Variants in ZNF438 observed in about 807,000 individuals in gnomAD.
ZNF438 encodes the protein zinc finger protein 438.
ZNF438 carries 25 observed loss-of-function variants against 38.0 expected under a neutral mutation model. The observed-to-expected ratio is 0.66, with a 90% CI of 0.48 to 0.92. The LOEUF is 0.92. ZNF438 is among the 40% of genes least tolerant of loss of function. ZNF438 has a pLI of 0.00. For missense variants in ZNF438, 1,007 were observed against 999.6 expected, an observed-to-expected ratio of 1.01 and a Z score of -0.10; for synonymous variants, 372 against 364.1, an observed-to-expected ratio of 1.02 and a Z score of -0.25.
intron 1 of ZNF438, among the ~76,000 whole-genome samples, chr10:30,975,806 A>G (rs561426417): frequency 3.3e-5 from 5 of 152,170 alleles, no homozygotes; most frequent in Non-Finnish European, 7.4e-5. Context: ...AAATACTTGA[A>G]AAAGTAGAAA....
intron 3 of ZNF438, among the ~76,000 whole-genome samples, chr10:30,896,483 G>T (rs1040298561): frequency 5.9e-5 from 9 of 151,976 alleles, no homozygotes; most frequent in African/African-American, 2.2e-4. Context: ...TAAAAAGAAA[G>T]GAAATTCTGA....
chr10:30,950,575 G>A lies in ZNF438; in HGVS notation c.-191-8924C>T, dbSNP rs1027518861. Among the ~76,000 whole-genome samples, 133 of 151,020 alleles carry A rather than the reference G, an allele frequency of 8.8e-4. 1 individual carries two copies. Among genetic ancestry groups the A allele is most frequent in the Non-Finnish European group, 1.5e-3 (101 of 67,754 alleles). ...AAATGATAAAGGGGATATCACCACC[G>A]ATCCCACAGAAATACAAACTACCAT... On this transcript the variant is annotated intron_variant, in intron 1 of 5. Transcript: ENST00000413025.
At chr10:30,844,862 G>A in exon 6 of ZNF438, 2 of 1,416,284 alleles carry the variant, frequency 1.4e-6, no homozygotes, top group Non-Finnish European at 1.9e-6. Flanking sequence ...CACCAATCCT[G>A]TTGTTTGATC....
chr10:30,903,216 C>T (rs1032962898), intron 3 of ZNF438, among the ~76,000 whole-genome samples: 20 of 152,196 alleles, frequency 1.3e-4, no homozygotes, highest in African/African-American at 4.6e-4. Context: ...GAGCCGGCTC[C>T]GGACTCAGCC....
chr10:30,892,981 G>A (rs537313262), intron 3 of ZNF438, among the ~76,000 whole-genome samples: 22 of 152,314 alleles, frequency 1.4e-4, no homozygotes, highest in African/African-American at 5.1e-4. Context: ...TACATACAGT[G>A]TGCACCCTTG....
chr10:31,024,859 C>G (rs1402843714), intron 1 of ZNF438, among the ~76,000 whole-genome samples: 1 of 152,078 alleles, frequency 6.6e-6, no homozygotes, highest in African/African-American at 2.4e-5. Context: ...GCTAATTTAA[C>G]ATATACAACA....
intron 1 of ZNF438, among the ~76,000 whole-genome samples, chr10:30,945,800 CATT>C (rs1387209225): frequency 9.1e-6 from 1 of 109,644 alleles, no homozygotes; most frequent in East Asian, 2.3e-4. Context: ...TCCAGTCTAT[CATT>C]GTTGGACATT....
chr10:30,859,705 G>A (rs942103137), intron 4 of ZNF438, among the ~76,000 whole-genome samples: 10 of 152,144 alleles, frequency 6.6e-5, no homozygotes, highest in Admixed American at 5.9e-4. Flanking sequence ...CCATGATGGT[G>A]CAAGTAGTTC....
chr10:30,862,250 G>A (rs760695330), intron 4 of ZNF438, among the ~76,000 whole-genome samples: 1 of 152,238 alleles, frequency 6.6e-6, no homozygotes, highest in East Asian at 1.9e-4. Context: ...GCACAGATAT[G>A]GCATGGCAAG....
At chr10:31,031,546 T>C (rs2057294563) in intron 1 of ZNF438, among the ~76,000 whole-genome samples, 1 of 152,210 alleles carries the variant, frequency 6.6e-6, no homozygotes, top group Non-Finnish European at 1.5e-5. Context: ...ACTCTCCATT[T>C]GGACTTTCCG....
Position 30,960,622 on chromosome 10 carries a change from T to C in ZNF438, c.-191-18971A>G, listed in dbSNP as rs114815024. Among the ~76,000 whole-genome samples, 639 of 147,012 alleles carry C rather than the reference T, an allele frequency of 4.3e-3. 27 individuals are homozygous for C. The highest frequency in any genetic ancestry group is 0.014 in the African/African-American group (595 of 41,208). On this transcript the variant is annotated intron_variant, in intron 1 of 5. Transcript: ENST00000413025. ...AATTCCTCTCCATTGATTTATATGC[T>C]TATCCTATGCCACGGCCACGTTGTC...
At chr10:30,849,274 A>G in exon 5 of ZNF438, 1 of 1,613,958 alleles carries the variant, frequency 6.2e-7, no homozygotes, top group Non-Finnish European at 8.5e-7. Context: ...TTGCTGCTCC[A>G]CTGTTCAGTT....
chr10:31,001,955 G>A (rs1589674180), intron 1 of ZNF438, among the ~76,000 whole-genome samples: 1 of 152,326 alleles, frequency 6.6e-6, no homozygotes, highest in East Asian at 1.9e-4. Flanking sequence ...GGCTGAGTAA[G>A]AAGGGATGCC....
intron 1 of ZNF438, among the ~76,000 whole-genome samples, chr10:30,949,017 T>A (rs1156788796): frequency 6.6e-6 from 1 of 152,024 alleles, no homozygotes; most frequent in Non-Finnish European, 1.5e-5. Context: ...CGGGTTACCC[T>A]CAAAGGGAAG....
chr10:30,924,152 A>G (rs2044637780), intron 2 of ZNF438, among the ~76,000 whole-genome samples: 1 of 152,220 alleles, frequency 6.6e-6, no homozygotes, highest in African/African-American at 2.4e-5. Flanking sequence ...CAAGGTTAAC[A>G]TGACCAGTAA....
At chr10:30,867,284 T>C (rs1220870085) in intron 4 of ZNF438, among the ~76,000 whole-genome samples, 1 of 151,954 alleles carries the variant, frequency 6.6e-6, no homozygotes, top group Non-Finnish European at 1.5e-5. Flanking sequence ...TTTAAAGATA[T>C]TTGCAGAAAA....
intron 4 of ZNF438, among the ~76,000 whole-genome samples, chr10:30,855,806 G>A (rs149162806): frequency 2.0e-5 from 3 of 152,286 alleles, no homozygotes; most frequent in East Asian, 3.9e-4. Context: ...AAAATGAGAA[G>A]ATACACACAC....
intron 2 of ZNF438, among the ~76,000 whole-genome samples, chr10:30,915,464 T>C (rs954038442): frequency 6.6e-6 from 1 of 152,082 alleles, no homozygotes; most frequent in African/African-American, 2.4e-5. Context: ...GAATTTATTA[T>C]TTGTTATCCA....
At chr10:30,995,133 C>CTACA (rs1384631991) in intron 1 of ZNF438, among the ~76,000 whole-genome samples, 1 of 151,790 alleles carries the variant, frequency 6.6e-6, no homozygotes, top group Non-Finnish European at 1.5e-5. Context: ...AAATATGAAT[C>CTACA]TACACATCCC....
Sources: gnomAD v4.1 joint callset for allele counts (sites outside exome capture counted in the v4.1 genomes callset) on GRCh38, gnomAD v4.1.1 for gene constraint, MANE v1.5 for transcripts, NCBI Gene and HGNC (gene_info 2026-07-23, HGNC 2026-07-21) for gene names.